TRIM45: variants seen among roughly 807,000 people sequenced by gnomAD.
The protein encoded by TRIM45 is E3 ubiquitin-protein ligase TRIM45.
A neutral mutation model predicts 46.7 loss-of-function variants in TRIM45; 45 were observed. The observed-to-expected ratio is 0.96, with a 90% CI of 0.76 to 1.24. The LOEUF (loss-of-function observed/expected upper bound fraction) is 1.24, where lower values mean the gene tolerates loss of function less well. Among genes scored for constraint, TRIM45 ranks in the 50% most tolerant of loss-of-function variants. The pLI is 0.00. For missense variants in TRIM45, 680 were observed against 728.4 expected (o/e 0.93, Z 0.77); for synonymous variants, 259 against 285.8 (o/e 0.91, Z 0.94).
intron 1 of TRIM45, among the ~76,000 whole-genome samples, chr1:117,119,537 G>A (rs1650540317): frequency 6.6e-6 from 1 of 152,072 alleles, no homozygotes; most frequent in South Asian, 2.1e-4. Flanking sequence ...AACCTAGGAG[G>A]TGGAGGTTGC....
intron 1 of TRIM45, among the ~76,000 whole-genome samples, chr1:117,119,032 C>T (rs1166594577): frequency 3.3e-5 from 5 of 152,340 alleles, no homozygotes; most frequent in South Asian, 2.1e-4. Flanking sequence ...CAGAAGGTTG[C>T]AAGACTATGA....
In TRIM45 at chr1:117,111,590, A is replaced by G. The variant is rs1650210252; in HGVS notation, c.*715T>C. 1 of 152,186 alleles carries G rather than the reference A, an allele frequency of 6.6e-6. No individual in the cohort carries two copies. The highest frequency in any genetic ancestry group is 1.5e-5 in the Non-Finnish European group (1 of 68,044). 9.4% of individuals were successfully genotyped at this position (152,186 alleles called of 1,614,324 possible). On this transcript the variant is annotated 3_prime_UTR_variant, in exon 6 of 6. Coordinates refer to ENST00000256649, the MANE Select transcript of TRIM45 (RefSeq NM_025188.4). Reference sequence around the variant, plus strand: ...AACAAAAAGTGGACAGGATGAAAGGAGGTTTCTAATCTCTAGGGGAAATAT... The same window carrying G: ...AACAAAAAGTGGACAGGATGAAAGGGGGTTTCTAATCTCTAGGGGAAATAT...
rs540675978 is a variant in TRIM45 at position 117,119,296 on chromosome 1, C to T, written c.489-529G>A. ...GGCTAGAATTTTTTTCAAGAGACATCGTCAACATCATTAGAAAGCGTGAAA... is the reference window on the plus strand; with the variant it reads ...GGCTAGAATTTTTTTCAAGAGACATTGTCAACATCATTAGAAAGCGTGAAA... On this transcript the variant is annotated intron_variant, in intron 1 of 5. Transcript: ENST00000256649. Among the ~76,000 whole-genome samples the T allele has an allele frequency of 4.6e-5, 7 of 152,068 alleles. No homozygotes were observed. The South Asian group carries it at 6.2e-4, about 14-fold the overall frequency.
upstream of TRIM45, among the ~76,000 whole-genome samples, chr1:117,123,577 C>T (rs1372406576): frequency 6.6e-6 from 1 of 151,970 alleles, no homozygotes; most frequent in East Asian, 1.9e-4. Context: ...TGAACACAAC[C>T]TTATGATGCC....
chr1:117,120,980 C>A lies in TRIM45; in HGVS notation c.222G>T (p.Glu74Asp), dbSNP rs759609231. 6.8e-6 allele frequency: 11 copies of A among 1,614,080 alleles called. No individual in the cohort carries two copies. In the East Asian group the frequency reaches 2.2e-4, roughly 33 times the overall value. Residue 74 changes from glutamate to aspartate, a missense_variant, in exon 1 of 6, where the codon GAG becomes GAT. Glu to Asp is a conservative substitution (Grantham distance 45). Around this residue, in one of 3 missense-constraint regions of TRIM45, gnomAD observed 349 missense variants for 343.6 expected, o/e 1.02. Transcript: ENST00000256649. ...GCTTGAGTTCCTGGAATATTGACCC[C>A]TCAGAGCTTGTGTCAGAGTCTCCCC... ...IRGGDSDTSSEGSIFQELKPR... is the reference protein window; with the variant it reads ...IRGGDSDTSSDGSIFQELKPR...
Position 117,113,733 on chromosome 1 carries a change from C to T in TRIM45, c.1468-248G>A, listed in dbSNP as rs1300587057. On this transcript the variant is annotated intron_variant, in intron 4 of 5. Transcript: ENST00000256649. The surrounding 1 kb of genome is among the most constrained non-coding windows in gnomAD (Gnocchi z 4.0). ...TGCTTTTCACCGCAGATGCTAAGTA[C>T]TAGACGTAGGTACTGATTTATTCCA... 2.0e-5 allele frequency among the ~76,000 whole-genome samples: 3 copies of T among 152,198 alleles called. No individual in the cohort carries two copies. The highest frequency in any genetic ancestry group is 4.4e-5 in the Non-Finnish European group (3 of 68,038).
rs961304048 is a variant in TRIM45 at position 117,121,698 on chromosome 1, G to A, written c.-497C>T. ...ATTGCAAGCCGCCGGCGGGCTTCTCGGTGTCCACCGCCTCTCCCGCGCCTC... is the reference window on the plus strand; with the variant it reads ...ATTGCAAGCCGCCGGCGGGCTTCTCAGTGTCCACCGCCTCTCCCGCGCCTC... On this transcript the variant is annotated 5_prime_UTR_variant, in exon 1 of 6. Coordinates refer to ENST00000256649, the MANE Select transcript of TRIM45 (RefSeq NM_025188.4). The surrounding 1 kb of genome is among the most constrained non-coding windows in gnomAD (Gnocchi z 4.2). 6.1e-5 allele frequency: 34 copies of A among 555,286 alleles called. No individual in the cohort carries two copies. Among genetic ancestry groups the A allele is most frequent in the African/African-American group, 6.0e-4 (30 of 49,758 alleles). The allele number at this position is 555,286 out of a possible 1,614,324, so 34.4% of individuals were successfully genotyped here.
upstream of TRIM45, among the ~76,000 whole-genome samples, chr1:117,123,401 G>A (rs2101369027): frequency 6.6e-6 from 1 of 152,228 alleles, no homozygotes; most frequent in East Asian, 1.9e-4. Flanking sequence ...ATTTCTTGTG[G>A]TAGTAGTTTC....
At position 117,113,386 on chromosome 1, in the gene TRIM45, G is replaced by C; in HGVS notation, c.1567C>G (p.Arg523Gly). ...GGCATGGTGCCTCCACAGGCGCAGC[G>C]AGCGGTTTTCTGGCCCCCGCTGGAG... Reference protein sequence around the residue: ...FCSSGGQKTARCACGGTMPGG... With the variant: ...FCSSGGQKTAGCACGGTMPGG... The change falls in exon 5 of 6, where the codon CGC becomes GGC. Residue 523 changes from arginine (R) to glycine (G), a missense_variant. Arg to Gly is a moderately radical substitution (Grantham distance 125). Around this residue, in one of 3 missense-constraint regions of TRIM45, gnomAD observed 322 missense variants for 359.3 expected, o/e 0.90. Coordinates refer to ENST00000256649, the MANE Select transcript of TRIM45 (RefSeq NM_025188.4). This position sits in a 1 kb window ranked among gnomAD's most constrained non-coding sequence, Gnocchi z 4.0. 1.2e-6 allele frequency: 2 copies of C among 1,612,240 alleles called. No homozygotes were observed. Among genetic ancestry groups the C allele is most frequent in the Non-Finnish European group, 1.7e-6 (2 of 1,179,908 alleles).
Position 117,118,426 on chromosome 1 carries a change from A to G in TRIM45, c.830T>C (p.Val277Ala). Reference sequence around the variant, plus strand: ...AATGTAGCCCTCCGAGAATGTCCGGACATCAGCTGCCACTGCCTCCACTCG... The same window carrying G: ...AATGTAGCCCTCCGAGAATGTCCGGGCATCAGCTGCCACTGCCTCCACTCG... ...QKRVEAVAAD[V>A]RTFSEGYIKA... is the part of the protein sequence containing the mutation. The change falls in exon 2 of 6, where the codon GTC becomes GCC. Residue 277 changes from valine to alanine, a missense_variant. Coordinates refer to ENST00000256649, the MANE Select transcript of TRIM45 (RefSeq NM_025188.4). This position sits in a 1 kb window ranked among gnomAD's most constrained non-coding sequence, Gnocchi z 5.7. The G allele has an allele frequency of 6.2e-7, 1 of 1,613,964 alleles. No individual in the cohort carries two copies. The highest frequency in any genetic ancestry group is 1.3e-5 in the African/African-American group (1 of 74,932).
rs1650382998 is a variant in TRIM45 at position 117,115,978 on chromosome 1, T to A, written c.1353-289A>T. Reference sequence around the variant, plus strand: ...CTGTTGTCCCTCCTCCATTCTACAATTCCAGAGAAATATAAACATGCTCCA... The same window carrying A: ...CTGTTGTCCCTCCTCCATTCTACAAATCCAGAGAAATATAAACATGCTCCA... On this transcript the variant is annotated intron_variant, in intron 3 of 5. Coordinates refer to ENST00000256649, the MANE Select transcript of TRIM45 (RefSeq NM_025188.4). This position sits in a 1 kb window ranked among gnomAD's most constrained non-coding sequence, Gnocchi z 4.2. 6.6e-6 allele frequency among the ~76,000 whole-genome samples: 1 copy of A among 152,166 alleles called. No homozygotes were observed. The highest frequency in any genetic ancestry group is 2.4e-5 in the African/African-American group (1 of 41,440).
In TRIM45 at chr1:117,111,626, T is replaced by A. The variant is rs1415076805; in HGVS notation, c.*679A>T. 1.3e-5 allele frequency: 2 copies of A among 151,992 alleles called. No homozygotes were observed. The highest frequency in any genetic ancestry group is 4.8e-5 in the African/African-American group (2 of 41,348). 9.4% of individuals were successfully genotyped at this position (151,992 alleles called of 1,614,324 possible). On this transcript the variant is annotated 3_prime_UTR_variant, in exon 6 of 6. Transcript: ENST00000256649. ...CTCTAGGGGAAATATCTAAATAATGTGTAGCTCAGAGAAAAATGAAAAAGG... is the reference window on the plus strand; with the variant it reads ...CTCTAGGGGAAATATCTAAATAATGAGTAGCTCAGAGAAAAATGAAAAAGG...
At position 117,115,658 on chromosome 1, in the gene TRIM45, C is replaced by T. The variant is rs780189289; in HGVS notation, c.1384G>A (p.Asp462Asn). The stretch of plus-strand genomic sequence containing the variant: ...GTGTAGGAAATGTAGTATGTCCCAT[C>T]CTTGTTATCCTGGACCATTGTTCTG... ...PVRTMVQDNK[D>N]GTYYISYTPK... Residue 462 changes from aspartate (D) to asparagine (N), a missense_variant, in exon 4 of 6, where the codon GAT becomes AAT. Around this residue, in one of 3 missense-constraint regions of TRIM45, gnomAD observed 322 missense variants for 359.3 expected, o/e 0.90. Transcript: ENST00000256649. This position sits in a 1 kb window ranked among gnomAD's most constrained non-coding sequence, Gnocchi z 4.2. 4 of 1,613,928 alleles carry T rather than the reference C, an allele frequency of 2.5e-6. No homozygotes were observed. The African/African-American group carries it at 4.0e-5, about 16-fold the overall frequency.
intron 5 of TRIM45, 36 bp from the exon 6 acceptor site, chr1:117,112,489 C>A: frequency 6.3e-7 from 1 of 1,576,490 alleles, no homozygotes; most frequent in South Asian, 1.2e-5. Context: ...AAAAATCAAC[C>A]ATTAGCGTGG....
In TRIM45 at chr1:117,121,094, G is replaced by C. The variant is rs549498742; in HGVS notation, c.108C>G (p.Phe36Leu). The C allele has an allele frequency of 9.9e-6, 16 of 1,614,014 alleles. No individual in the cohort carries two copies. The East Asian group carries it at 2.2e-4, about 22-fold the overall frequency. ...AACAAGGCAAGAGCCTGGGGGCTTTGAAAAGCCCCAAGCACAGGGGGCAGT... is the reference window on the plus strand; with the variant it reads ...AACAAGGCAAGAGCCTGGGGGCTTTCAAAAGCCCCAAGCACAGGGGGCAGT... ...KTHCPLCLGLFKAPRLLPCLH... is the reference protein window; with the variant it reads ...KTHCPLCLGLLKAPRLLPCLH... Residue 36 changes from phenylalanine (F) to leucine (L), a missense_variant, in exon 1 of 6, where the codon TTC (phenylalanine) becomes TTG (leucine). By Grantham distance (22) the Phe-to-Leu change is conservative. Transcript: ENST00000256649. This position sits in a 1 kb window ranked among gnomAD's most constrained non-coding sequence, Gnocchi z 4.2.
intron 4 of TRIM45, among the ~76,000 whole-genome samples, chr1:117,114,281 T>C (rs1001082581): frequency 6.6e-6 from 1 of 152,224 alleles, no homozygotes; most frequent in Non-Finnish European, 1.5e-5. Flanking sequence ...ATAACTTTCG[T>C]TCTCTAATTT....
chr1:117,116,414 A>G lies in TRIM45; in HGVS notation c.1352+202T>C, dbSNP rs952317377. The stretch of plus-strand genomic sequence containing the variant: ...ACTCCCGGCTAATTTTTTTTTTTTT[A>G]ATTTTGTAGAGACAGGGTGTCCCTA... On this transcript the variant is annotated intron_variant, in intron 3 of 5. Coordinates refer to ENST00000256649, the MANE Select transcript of TRIM45 (RefSeq NM_025188.4). This position sits in a 1 kb window ranked among gnomAD's most constrained non-coding sequence, Gnocchi z 4.6. Among the ~76,000 whole-genome samples, 13 of 148,392 alleles carry G rather than the reference A, an allele frequency of 8.8e-5. No homozygotes were observed. The highest frequency in any genetic ancestry group is 5.3e-4 in the Admixed American group (8 of 15,038).
In TRIM45 at chr1:117,112,401, G is replaced by T. The variant is rs1385760584; in HGVS notation, c.1647C>A (p.His549Gln). The change falls in exon 6 of 6, where the codon CAC (histidine) becomes CAA (glutamine). Residue 549 changes from histidine to glutamine, a missense_variant. Around this residue, in one of 3 missense-constraint regions of TRIM45, gnomAD observed 322 missense variants for 359.3 expected, o/e 0.90. Coordinates refer to ENST00000256649, the MANE Select transcript of TRIM45 (RefSeq NM_025188.4). ...HGHKGHPGHP[H>Q]WSCCGKFNEK... ...CATTAAATTTTCCACAGCATGACCAGTGGGGATGACCTGGGTGGCCTTTGT... is the reference window on the plus strand; with the variant it reads ...CATTAAATTTTCCACAGCATGACCATTGGGGATGACCTGGGTGGCCTTTGT... The T allele has an allele frequency of 1.9e-6, 3 of 1,614,098 alleles. No individual in the cohort carries two copies. Among genetic ancestry groups the T allele is most frequent in the East Asian group, 4.5e-5 (2 of 44,876 alleles).
chr1:117,123,386 A>G (rs572059136), upstream of TRIM45, among the ~76,000 whole-genome samples: 5 of 152,274 alleles, frequency 3.3e-5, no homozygotes, highest in African/African-American at 9.6e-5. Context: ...TTCATACTGT[A>G]TCACATTTCT....
Sources: allele counts gnomAD v4.1 joint callset (sites outside exome capture counted in the v4.1 genomes callset), GRCh38; gene constraint gnomAD v4.1.1; regional missense constraint gnomAD v4.1.1; non-coding constraint Gnocchi (gnomAD v3.1); transcripts MANE v1.5; gene names NCBI Gene and HGNC (gene_info 2026-07-23, HGNC 2026-07-21).